Variants in GFRA1 observed in about 807,000 individuals in gnomAD.
The protein encoded by GFRA1 is GDNF family receptor alpha 1.
A neutral mutation model predicts 51.6 loss-of-function variants in GFRA1; 16 were observed. That is an observed-to-expected ratio of 0.31 (90% CI 0.21 to 0.47). GFRA1 has a LOEUF of 0.47. GFRA1 is among the 20% of genes least tolerant of loss of function. The probability of loss-of-function intolerance (pLI) is 1.00; values close to 1 mark genes in which losing one functional copy is unlikely to be tolerated. For missense variants in GFRA1, 530 were observed against 594.3 expected (o/e 0.89, Z 1.13); for synonymous variants, 270 against 241.3 (o/e 1.12, Z -1.10).
chr10:116,216,375 T>G (rs1304047689), intron 4 of GFRA1, among the ~76,000 whole-genome samples: 1 of 152,182 alleles, frequency 6.6e-6, no homozygotes. Context: ...TATTGCTTTG[T>G]TTTATGAGGA....
intron 5 of GFRA1, among the ~76,000 whole-genome samples, chr10:116,155,792 C>T (rs1299399169): frequency 1.3e-5 from 2 of 152,126 alleles, no homozygotes; most frequent in South Asian, 2.1e-4. Flanking sequence ...GGACACACGC[C>T]GGAGCCACAG....
intron 5 of GFRA1, among the ~76,000 whole-genome samples, chr10:116,207,750 C>A (rs927706215): frequency 2.6e-5 from 4 of 152,008 alleles, no homozygotes; most frequent in African/African-American, 7.2e-5. Flanking sequence ...AATTTGCCAG[C>A]CTTAAGGACA....
chr10:116,103,232 T>C (rs1364687576), intron 6 of GFRA1, among the ~76,000 whole-genome samples: 1 of 152,238 alleles, frequency 6.6e-6, no homozygotes, highest in African/African-American at 2.4e-5. Context: ...ATGACAATTA[T>C]ATAAAGCTCC....
chr10:116,097,114 A>T (rs1956629263), intron 6 of GFRA1, among the ~76,000 whole-genome samples: 1 of 151,042 alleles, frequency 6.6e-6, no homozygotes, highest in South Asian at 2.1e-4. Flanking sequence ...ATCTTTAGGA[A>T]ATATGCTTCT....
chr10:116,165,519 C>T (rs1960285305), intron 5 of GFRA1, among the ~76,000 whole-genome samples: 1 of 152,204 alleles, frequency 6.6e-6, no homozygotes, highest in African/African-American at 2.4e-5. Context: ...GAAATCACTT[C>T]CAATCAGGAA....
At chr10:116,125,637 G>T (rs1957840654) in intron 5 of GFRA1, 80 bp from the exon 6 acceptor site, 4 of 1,133,684 alleles carry the variant, frequency 3.5e-6, no homozygotes, top group Non-Finnish European at 5.2e-6. Context: ...TTGAGATCCT[G>T]CCATTTATCT....
intron 6 of GFRA1, among the ~76,000 whole-genome samples, chr10:116,109,945 G>T (rs1957143881): frequency 1.3e-5 from 2 of 152,094 alleles, no homozygotes; most frequent in Non-Finnish European, 2.9e-5. Context: ...ACAGGCAGGG[G>T]TGAGGATTAG....
intron 5 of GFRA1, among the ~76,000 whole-genome samples, chr10:116,155,445 AT>A (rs1203762499): frequency 6.6e-6 from 1 of 152,182 alleles, no homozygotes; most frequent in Non-Finnish European, 1.5e-5. Flanking sequence ...GATGAAAATG[AT>A]TTGCTGCAAG....
At chr10:116,145,551 A>C (rs1327026482) in intron 5 of GFRA1, among the ~76,000 whole-genome samples, 1 of 152,220 alleles carries the variant, frequency 6.6e-6, no homozygotes, top group Non-Finnish European at 1.5e-5. Context: ...CTTTAGTTTT[A>C]TCTTTAAATA....
At chr10:116,254,530 A>G (rs368658813) in intron 4 of GFRA1, among the ~76,000 whole-genome samples, 4 of 151,840 alleles carry the variant, frequency 2.6e-5, no homozygotes, top group African/African-American at 9.7e-5. Context: ...GAAGAAGAAA[A>G]AAAGAAAGAA....
Position 116,271,874 on chromosome 10 carries a change from T to C in GFRA1, c.40+116A>G, listed in dbSNP as rs891240214. ...CATTCCCCAAAAAGACACTTCTTCC[T>C]TCCACATCCACCACACCCGCGCCCC... On this transcript the variant is annotated intron_variant, in intron 2 of 10. Transcript: ENST00000355422. 29 of 827,496 alleles carry C rather than the reference T, an allele frequency of 3.5e-5. No homozygotes were observed. In the African/African-American group the frequency reaches 3.7e-4, roughly 11 times the overall value. The allele number at this position is 827,496 out of a possible 1,614,324, so 51.3% of individuals were successfully genotyped here.
At chr10:116,254,726 C>A (rs1422935875) in intron 4 of GFRA1, among the ~76,000 whole-genome samples, 3 of 152,170 alleles carry the variant, frequency 2.0e-5, no homozygotes, top group Admixed American at 6.5e-5. Flanking sequence ...AAGTGGACGT[C>A]CACGGACATC....
At chr10:116,146,080 TTATA>T (rs1958787906) in intron 5 of GFRA1, among the ~76,000 whole-genome samples, 1 of 152,010 alleles carries the variant, frequency 6.6e-6, no homozygotes, top group Non-Finnish European at 1.5e-5. Context: ...ATTCACATAT[TTATA>T]TATTTATACA....
chr10:116,073,073 C>T (rs1300828339), intron 9 of GFRA1, among the ~76,000 whole-genome samples: 1 of 152,154 alleles, frequency 6.6e-6, no homozygotes, highest in East Asian at 1.9e-4. Flanking sequence ...TCTGTGATTC[C>T]TCAGATTCAA....
intron 5 of GFRA1, among the ~76,000 whole-genome samples, chr10:116,125,851 A>C (rs1388302418): frequency 6.6e-6 from 1 of 152,242 alleles, no homozygotes; most frequent in Non-Finnish European, 1.5e-5. Context: ...ATGAGGCAAC[A>C]GGAGAATAAG....
chr10:116,252,875 C>T (rs942043256), intron 4 of GFRA1, among the ~76,000 whole-genome samples: 1 of 152,186 alleles, frequency 6.6e-6, no homozygotes, highest in Non-Finnish European at 1.5e-5. Flanking sequence ...ATTAAACAAC[C>T]TGCCTAAGTT....
At chr10:116,219,605 A>G (rs1002036358) in intron 4 of GFRA1, among the ~76,000 whole-genome samples, 1 of 152,236 alleles carries the variant, frequency 6.6e-6, no homozygotes, top group African/African-American at 2.4e-5. Context: ...AGAAGAAGCC[A>G]CATTAAGAGC....
intron 4 of GFRA1, among the ~76,000 whole-genome samples, chr10:116,249,948 G>A (rs535395584): frequency 6.6e-6 from 1 of 152,304 alleles, no homozygotes; most frequent in South Asian, 2.1e-4. Flanking sequence ...AGGAGGGAGT[G>A]ATATTTAGCG....
intron 5 of GFRA1, among the ~76,000 whole-genome samples, chr10:116,141,712 T>C (rs552656847): frequency 4.2e-4 from 64 of 152,200 alleles, no homozygotes; most frequent in Non-Finnish European, 5.1e-4. Flanking sequence ...GCCTCCTGAG[T>C]AGCTGGGATT....
Sources: gnomAD v4.1 joint callset for allele counts (sites outside exome capture counted in the v4.1 genomes callset) on GRCh38, gnomAD v4.1.1 for gene constraint, MANE v1.5 for transcripts, NCBI Gene and HGNC (gene_info 2026-07-23, HGNC 2026-07-21) for gene names.